Variants in WASF2 observed in about 807,000 individuals in gnomAD.
The protein encoded by WASF2 is actin-binding protein WASF2.
WASF2 carries 14 observed loss-of-function variants against 45.0 expected under a neutral mutation model. The observed-to-expected ratio is 0.31, with a 90% confidence interval of 0.21 to 0.49. WASF2 has a LOEUF of 0.49. Ranked by LOEUF, WASF2 falls within the 20% of genes least tolerant of loss-of-function variation. The pLI, the probability that WASF2 is intolerant of heterozygous loss-of-function variation, is 0.99. For missense variants in WASF2, 439 were observed against 636.1 expected (o/e 0.69, Z 3.33); for synonymous variants, 200 against 236.3 (o/e 0.85, Z 1.41).
intron 1 of WASF2, among the ~76,000 whole-genome samples, chr1:27,455,093 TC>T (rs2017450361): frequency 6.6e-6 from 1 of 152,136 alleles, no homozygotes; most frequent in South Asian, 2.1e-4. Flanking sequence ...CTTGCAGAGT[TC>T]TAGTTGCTTC....
intron 1 of WASF2, among the ~76,000 whole-genome samples, chr1:27,451,463 A>G (rs2017382401): frequency 1.3e-5 from 2 of 152,206 alleles, no homozygotes; most frequent in Admixed American, 6.5e-5. Context: ...TGAGACTAAT[A>G]AGGCAGACAA....
intron 1 of WASF2, among the ~76,000 whole-genome samples, chr1:27,467,691 T>C (rs1453298337): frequency 6.7e-6 from 1 of 150,056 alleles, no homozygotes; most frequent in African/African-American, 2.4e-5. Context: ...GGTGGGCGGA[T>C]CACGAGGTCA....
intron 7 of WASF2, among the ~76,000 whole-genome samples, chr1:27,412,351 C>T (rs886094028): frequency 5.3e-5 from 8 of 152,172 alleles, no homozygotes; most frequent in East Asian, 3.9e-4. Flanking sequence ...GGACCACAGG[C>T]GTTTGCCACC....
intron 1 of WASF2, among the ~76,000 whole-genome samples, chr1:27,469,802 T>A (rs2017665593): frequency 6.6e-6 from 1 of 151,858 alleles, no homozygotes; most frequent in Non-Finnish European, 1.5e-5. Context: ...ATTAGCCAGG[T>A]GTGGTGGTGT....
chr1:27,476,150 T>C (rs1203763405), intron 1 of WASF2, among the ~76,000 whole-genome samples: 1 of 152,246 alleles, frequency 6.6e-6, no homozygotes, highest in Admixed American at 6.5e-5. Context: ...ACAGAAAACC[T>C]ACTGTTTACG....
chr1:27,468,823 T>C (rs1328950728), intron 1 of WASF2, among the ~76,000 whole-genome samples: 3 of 146,574 alleles, frequency 2.0e-5, no homozygotes, highest in African/African-American at 7.6e-5. Context: ...CTACTAAGAA[T>C]ACAAAAATTA....
At chr1:27,419,322 T>G (rs544281861) in intron 2 of WASF2, among the ~76,000 whole-genome samples, 15 of 152,312 alleles carry the variant, frequency 9.8e-5, no homozygotes, top group African/African-American at 2.6e-4. Context: ...TTGACAGACG[T>G]GAACAGTCAT....
At chr1:27,432,498 A>G (rs2017079229) in intron 1 of WASF2, among the ~76,000 whole-genome samples, 2 of 151,712 alleles carry the variant, frequency 1.3e-5, no homozygotes, top group Admixed American at 1.3e-4. Context: ...AATACAAAAA[A>G]TTAGCTGGGC....
chr1:27,475,775 A>G (rs2017757834), intron 1 of WASF2, among the ~76,000 whole-genome samples: 1 of 152,120 alleles, frequency 6.6e-6, no homozygotes, highest in Non-Finnish European at 1.5e-5. Context: ...CTACAGGTGC[A>G]CACCATCACA....
At chr1:27,408,478 T>C (rs1455668034) in intron 8 of WASF2, 132 bp from the exon 9 acceptor site, 3 of 1,260,178 alleles carry the variant, frequency 2.4e-6, no homozygotes, top group Non-Finnish European at 3.2e-6. Context: ...AAGGTTGTTA[T>C]GGAAAAGCAG....
chr1:27,473,218 T>C (rs2017716411), intron 1 of WASF2, among the ~76,000 whole-genome samples: 1 of 151,942 alleles, frequency 6.6e-6, no homozygotes, highest in Non-Finnish European at 1.5e-5. Context: ...CGGTGGCTCA[T>C]GCCTCTAATT....
At chr1:27,450,110 C>T (rs931686588) in intron 1 of WASF2, among the ~76,000 whole-genome samples, 1 of 151,916 alleles carries the variant, frequency 6.6e-6, no homozygotes, top group African/African-American at 2.4e-5. Flanking sequence ...CGCCATTGCA[C>T]TCCAGCCCGG....
intron 1 of WASF2, among the ~76,000 whole-genome samples, chr1:27,452,995 C>G (rs2017405951): frequency 6.7e-6 from 1 of 150,186 alleles, no homozygotes; most frequent in African/African-American, 2.5e-5. Flanking sequence ...CACCTGAAGT[C>G]AGGAGCTTGA....
intron 1 of WASF2, among the ~76,000 whole-genome samples, chr1:27,450,620 C>T (rs1403167435): frequency 1.3e-5 from 2 of 152,148 alleles, no homozygotes; most frequent in Admixed American, 1.3e-4. Context: ...TCTGCCTCAG[C>T]CTCCTGAGTA....
At chr1:27,460,684 A>G (rs926143405) in intron 1 of WASF2, among the ~76,000 whole-genome samples, 1 of 152,232 alleles carries the variant, frequency 6.6e-6, no homozygotes, top group Non-Finnish European at 1.5e-5. Context: ...TCAGCGTCCA[A>G]TCATAGTCCC....
At chr1:27,431,299 C>G (rs566076603) in intron 1 of WASF2, among the ~76,000 whole-genome samples, 4 of 152,196 alleles carry the variant, frequency 2.6e-5, no homozygotes, top group South Asian at 2.1e-4. Flanking sequence ...CCTGGACTTT[C>G]CAATTTAACT....
At chr1:27,434,996 G>T (rs1472869130) in intron 1 of WASF2, among the ~76,000 whole-genome samples, 1 of 152,000 alleles carries the variant, frequency 6.6e-6, no homozygotes, top group East Asian at 1.9e-4. Context: ...GCCCAGGCTG[G>T]AGTACAATGG....
At chr1:27,421,436 G>A (rs1275931854) in intron 2 of WASF2, among the ~76,000 whole-genome samples, 1 of 152,056 alleles carries the variant, frequency 6.6e-6, no homozygotes, top group African/African-American at 2.4e-5. Context: ...CCATCACTTT[G>A]GGAGGCCAAG....
chr1:27,449,577 C>T (rs1278832488), intron 1 of WASF2, among the ~76,000 whole-genome samples: 3 of 149,290 alleles, frequency 2.0e-5, no homozygotes, highest in Non-Finnish European at 4.4e-5. Flanking sequence ...GCAGCCTGGG[C>T]AACAGAGCGA....
Sources: gnomAD v4.1 joint callset for allele counts (sites outside exome capture counted in the v4.1 genomes callset) on GRCh38, gnomAD v4.1.1 for gene constraint, MANE v1.5 for transcripts, NCBI Gene and HGNC (gene_info 2026-07-23, HGNC 2026-07-21) for gene names.